CNTN5: variants seen among roughly 807,000 people sequenced by gnomAD.
CNTN5 encodes contactin 5, also known as contactin-5.
Under a neutral mutation model 129.1 loss-of-function variants are expected in CNTN5, and 77 were observed. That is an observed-to-expected ratio of 0.60 (90% CI 0.50 to 0.72). The LOEUF is 0.72. Among genes scored for constraint, CNTN5 ranks in the 30% least tolerant of loss-of-function variants. The pLI is 0.00. For missense variants in CNTN5, 1,478 were observed against 1,328.8 expected (o/e 1.11, Z -1.75); for synonymous variants, 509 against 465.6 (o/e 1.09, Z -1.20).
chr11:99,167,391 T>C (rs987048218), intron 1 of CNTN5, among the ~76,000 whole-genome samples: 4 of 152,192 alleles, frequency 2.6e-5, no homozygotes, highest in Admixed American at 6.5e-5. Flanking sequence ...GTAGGAATTA[T>C]ACAAATATTT....
At chr11:99,921,573 T>C (rs1306257079) in intron 7 of CNTN5, among the ~76,000 whole-genome samples, 3 of 152,232 alleles carry the variant, frequency 2.0e-5, no homozygotes, top group African/African-American at 7.2e-5. Flanking sequence ...TATACTGCCT[T>C]AATTTTTCTC....
At chr11:99,412,371 G>T (rs891756494) in intron 2 of CNTN5, among the ~76,000 whole-genome samples, 1 of 152,080 alleles carries the variant, frequency 6.6e-6, no homozygotes, top group African/African-American at 2.4e-5. Context: ...TATATATAAA[G>T]ATCCCAACTT....
At chr11:100,076,478 A>C (rs2137901608) in intron 13 of CNTN5, among the ~76,000 whole-genome samples, 1 of 152,140 alleles carries the variant, frequency 6.6e-6, no homozygotes, top group Middle Eastern at 3.4e-3. Flanking sequence ...AAGCTTACTA[A>C]ATTTTTTATT....
chr11:100,001,996 A>G (rs771809860), intron 8 of CNTN5, 38 bp from the exon 9 acceptor site: 6 of 1,347,588 alleles, frequency 4.5e-6, no homozygotes, highest in Non-Finnish European at 2.1e-6. Flanking sequence ...AAATTGTAAC[A>G]TTCATTTGAT....
chr11:100,279,406 T>C (rs907173267), intron 18 of CNTN5, among the ~76,000 whole-genome samples: 1 of 151,996 alleles, frequency 6.6e-6, no homozygotes, highest in African/African-American at 2.4e-5. Context: ...CTTTAAATGT[T>C]TGGCAGAATT....
At chr11:99,859,802 G>T (rs1948151941) in intron 6 of CNTN5, among the ~76,000 whole-genome samples, 1 of 152,118 alleles carries the variant, frequency 6.6e-6, no homozygotes, top group African/African-American at 2.4e-5. Context: ...TAGTGCTTCA[G>T]TGAACATGTG....
chr11:99,770,817 G>A (rs574733070), intron 3 of CNTN5, among the ~76,000 whole-genome samples: 35 of 152,012 alleles, frequency 2.3e-4, no homozygotes, highest in Non-Finnish European at 4.0e-4. Flanking sequence ...CATAAAATTT[G>A]TATGGAAACA....
chr11:99,549,686 C>T (rs137958390), intron 2 of CNTN5, among the ~76,000 whole-genome samples: 33 of 152,222 alleles, frequency 2.2e-4, no homozygotes, highest in African/African-American at 7.5e-4. Context: ...TCTACTGCCA[C>T]TCAGCCATGA....
intron 17 of CNTN5, among the ~76,000 whole-genome samples, chr11:100,267,292 GAA>G (rs1950326611): frequency 9.7e-5 from 11 of 113,658 alleles, no homozygotes; most frequent in Non-Finnish European, 1.8e-4. Context: ...GAGAGAGAGA[GAA>G]AGAGAGAGTG....
chr11:99,259,159 G>T (rs900800427), intron 1 of CNTN5, among the ~76,000 whole-genome samples: 1 of 151,750 alleles, frequency 6.6e-6, no homozygotes, highest in Non-Finnish European at 1.5e-5. Flanking sequence ...TATCATGTTT[G>T]CCAGTGCATT....
At chr11:100,279,746 A>G (rs995579273) in intron 18 of CNTN5, among the ~76,000 whole-genome samples, 8 of 151,280 alleles carry the variant, frequency 5.3e-5, no homozygotes, top group African/African-American at 1.9e-4. Context: ...CTTTAAAAAA[A>G]CCTTTTTGTT....
intron 15 of CNTN5, among the ~76,000 whole-genome samples, chr11:100,194,974 G>GAGAGTATATAAATAAGAAAC (rs1948597950): frequency 6.6e-6 from 1 of 151,912 alleles, no homozygotes; most frequent in East Asian, 1.9e-4. Flanking sequence ...TTAAATGAGC[G>GAGAGTATATAAATAAGAAAC]AATTTTAACT....
At chr11:99,441,442 C>T (rs966772676) in intron 2 of CNTN5, among the ~76,000 whole-genome samples, 2 of 152,120 alleles carry the variant, frequency 1.3e-5, no homozygotes, top group Non-Finnish European at 2.9e-5. Context: ...GAAACACCCC[C>T]ACGTTAATAT....
intron 20 of CNTN5, among the ~76,000 whole-genome samples, chr11:100,306,067 G>A (rs953234034): frequency 2.0e-5 from 3 of 151,278 alleles, no homozygotes; most frequent in Non-Finnish European, 4.4e-5. Context: ...ATTAGATTAA[G>A]AGGGTGAAAA....
chr11:99,427,349 G>A (rs1332870858), intron 2 of CNTN5, among the ~76,000 whole-genome samples: 5 of 152,026 alleles, frequency 3.3e-5, no homozygotes. Context: ...ACCTGAGGGG[G>A]GAAATAATTA....
At chr11:100,282,065 T>A (rs543279779) in intron 18 of CNTN5, among the ~76,000 whole-genome samples, 11 of 151,682 alleles carry the variant, frequency 7.3e-5, no homozygotes, top group African/African-American at 2.7e-4. Flanking sequence ...AGGTCACATA[T>A]CTCCGTTTCT....
intron 1 of CNTN5, among the ~76,000 whole-genome samples, chr11:99,281,234 G>T (rs555931965): frequency 3.2e-4 from 49 of 151,916 alleles, no homozygotes; most frequent in Non-Finnish European, 4.1e-4. Flanking sequence ...TATGTTTGTG[G>T]CTAGAAATTA....
chr11:99,551,528 A>G (rs1010302067), intron 2 of CNTN5, among the ~76,000 whole-genome samples: 2 of 152,304 alleles, frequency 1.3e-5, no homozygotes, highest in Admixed American at 1.3e-4. Flanking sequence ...AATTTATCTA[A>G]TAAATGGTAG....
intron 13 of CNTN5, among the ~76,000 whole-genome samples, chr11:100,089,209 A>G (rs35403266): frequency 0.24 from 35,668 of 151,730 alleles, 4,599 homozygotes; most frequent in South Asian, 0.34. Context: ...ATTTATTTAA[A>G]CTCCTTGTAG....
Sources: allele counts gnomAD v4.1 joint callset (sites outside exome capture counted in the v4.1 genomes callset), GRCh38; gene constraint gnomAD v4.1.1; transcripts MANE v1.5; gene names NCBI Gene and HGNC (gene_info 2026-07-23, HGNC 2026-07-21).